TAB3: variants seen among roughly 807,000 people sequenced by gnomAD.
TAB3 encodes TGF-beta-activated kinase 1 and MAP3K7-binding protein 3.
A neutral mutation model predicts 48.1 loss-of-function variants in TAB3; 18 were observed. The observed-to-expected ratio is 0.37, with a 90% CI of 0.26 to 0.55. The LOEUF is 0.55. Among genes scored for constraint, TAB3 ranks in the 20% least tolerant of loss-of-function variants. The pLI is 0.78. For missense variants in TAB3, 414 were observed against 549.8 expected (o/e 0.75, Z 2.47); for synonymous variants, 185 against 190.2 (o/e 0.97, Z 0.22).
At chrX:30,836,083 T>G (rs1053968735) in intron 9 of TAB3, 1 of 112,230 alleles carries the variant, frequency 8.9e-6, no homozygotes, top group East Asian at 2.8e-4. Context: ...AACTTGATTT[T>G]ATGGAGAAAA....
At chrX:30,868,312 T>TATATATATATATATATATA (rs1410557148) in intron 2 of TAB3, among the ~76,000 whole-genome samples, 34 of 2,412 alleles carry the variant, frequency 0.014, 10 homozygotes, top group South Asian at 0.083. Context: ...TATATATATA[T>TATATATATATATATATATA]AGCTTATATA....
chrX:30,867,325 C>T (rs1376574516), intron 3 of TAB3, 107 bp from the exon 4 acceptor site: 1 of 111,977 alleles, frequency 8.9e-6, no homozygotes, highest in East Asian at 2.8e-4. Context: ...AACAAACGTA[C>T]CATGCTAATG....
rs1025957595 is a variant in TAB3, at chrX:30,827,982, G to T, written c.*3445C>A. 8.9e-6 allele frequency: 1 copy of T among 112,222 alleles called. No homozygotes were observed. The highest frequency in any genetic ancestry group is 4.6e-3 in the Middle Eastern group (1 of 216). 9.2% of individuals were successfully genotyped at this position (112,222 alleles called of 1,213,427 possible). A position where few individuals can be genotyped will look rare whatever the true frequency, so the allele number is the denominator to read the frequency against. On this transcript the variant is annotated 3_prime_UTR_variant, in exon 11 of 11. Coordinates refer to ENST00000288422, the MANE Select transcript of TAB3 (RefSeq NM_152787.5). ...TCTGATTTTTAAAAGTAACATTTCA[G>T]TTGTCATTTTTCTTTCTCTACAGAT...
rs2147318373 is a variant in TAB3 at position 30,830,231 on chromosome X, A to G, written c.*1196T>C. On this transcript the variant is annotated 3_prime_UTR_variant, in exon 11 of 11. Coordinates refer to ENST00000288422, the MANE Select transcript of TAB3 (RefSeq NM_152787.5). ...TTTAAAAGTTGTTTCAAAGTCCTCT[A>G]TATTCACCTTTCTCTTAATAATTTT... 8.9e-6 allele frequency: 1 copy of G among 112,286 alleles called. No homozygotes were observed. The highest frequency in any genetic ancestry group is 2.8e-4 in the East Asian group (1 of 3,597). The allele number at this position is 112,286 out of a possible 1,213,427, so 9.3% of individuals were successfully genotyped here.
At chrX:30,842,537 A>G (rs1244172938) in intron 9 of TAB3, among the ~76,000 whole-genome samples, 6 of 112,305 alleles carry the variant, frequency 5.3e-5, no homozygotes, top group Middle Eastern at 9.3e-3. Context: ...AAGAGTTACT[A>G]ATTTCAGTAC....
intron 5 of TAB3, among the ~76,000 whole-genome samples, chrX:30,856,448 C>G (rs1939079771): frequency 8.9e-6 from 1 of 111,850 alleles, no homozygotes; most frequent in South Asian, 3.7e-4. Context: ...AAAAGGTTCC[C>G]TCTTTGTAAA....
At chrX:30,833,713 C>G (rs182603079) in intron 10 of TAB3, among the ~76,000 whole-genome samples, 171 of 107,992 alleles carry the variant, frequency 1.6e-3, no homozygotes, top group Non-Finnish European at 2.5e-3. Context: ...CACCTGTAGT[C>G]CCAGCTACAC....
intron 2 of TAB3, among the ~76,000 whole-genome samples, chrX:30,868,393 ATATATATAT>A (rs1299190290): frequency 2.0e-5 from 1 of 48,844 alleles, no homozygotes; most frequent in Non-Finnish European, 3.5e-5. Flanking sequence ...TAGCTTATAT[ATATATATAT>A]AGCTTATATA....
intron 9 of TAB3, among the ~76,000 whole-genome samples, chrX:30,838,162 A>G (rs1163062910): frequency 3.6e-5 from 4 of 111,255 alleles, no homozygotes; most frequent in Non-Finnish European, 5.7e-5. Flanking sequence ...TAGTGCTGCA[A>G]TCACGGCTCA....
chrX:30,831,899 T>C (rs1476550350), intron 10 of TAB3, among the ~76,000 whole-genome samples: 6 of 112,227 alleles, frequency 5.3e-5, no homozygotes, highest in Non-Finnish European at 9.4e-5. Context: ...AAATGTTTTA[T>C]AGCATGTTAA....
At chrX:30,885,468 T>C in intron 1 of TAB3, among the ~76,000 whole-genome samples, 1 of 111,791 alleles carries the variant, frequency 8.9e-6, no homozygotes, top group African/African-American at 3.2e-5. Flanking sequence ...TTCCCTCCCA[T>C]AACTGGAAGT....
Position 30,828,017 on chromosome X carries a change from GAC to G in TAB3, c.*3408_*3409del, listed in dbSNP as rs914184437. ...TTCTTTCTCTACAGATAGATATACA[GAC>G]ACACACGGTAACATGGACTCATTCA... On this transcript the variant is annotated 3_prime_UTR_variant, in exon 11 of 11. Transcript: ENST00000288422. The G allele has an allele frequency of 8.9e-6, 1 of 111,840 alleles. No homozygotes were observed. The highest frequency in any genetic ancestry group is 1.9e-5 in the Non-Finnish European group (1 of 53,095). 9.2% of individuals were successfully genotyped at this position (111,840 alleles called of 1,213,427 possible).
intron 1 of TAB3, among the ~76,000 whole-genome samples, chrX:30,874,388 C>A (rs1939761545): frequency 8.9e-6 from 1 of 112,017 alleles, no homozygotes; most frequent in Non-Finnish European, 1.9e-5. Flanking sequence ...GAAATTATGT[C>A]TTGGCTATGC....
chrX:30,876,692 T>C (rs1279036389), intron 1 of TAB3, among the ~76,000 whole-genome samples: 1 of 110,736 alleles, frequency 9.0e-6, no homozygotes, highest in African/African-American at 3.3e-5. Context: ...TTTTTTTTTG[T>C]AGAGATGGGG....
chrX:30,871,283 G>T (rs1268756161), intron 2 of TAB3, among the ~76,000 whole-genome samples: 1 of 112,071 alleles, frequency 8.9e-6, no homozygotes, highest in African/African-American at 3.2e-5. Flanking sequence ...CAAAAACTAG[G>T]AAGTTGGAAG....
intron 9 of TAB3, among the ~76,000 whole-genome samples, chrX:30,842,028 C>T (rs896881962): frequency 4.5e-5 from 5 of 112,276 alleles, no homozygotes; most frequent in African/African-American, 1.6e-4. Flanking sequence ...AGGCTAGTCT[C>T]GAACTCCTGG....
chrX:30,882,915 T>G (rs1283210595), intron 1 of TAB3, among the ~76,000 whole-genome samples: 2 of 112,000 alleles, frequency 1.8e-5, no homozygotes, highest in African/African-American at 6.5e-5. Context: ...AACTTCATTG[T>G]AAGTCTAAAA....
Position 30,830,990 on chromosome X carries a change from G to T in TAB3, c.*437C>A, listed in dbSNP as rs1252554051. ...GAAGCAATGGGAAGAAGCACGGGGA[G>T]CCTTGGTTTTCCAGAGAGCGGTGAC... On this transcript the variant is annotated 3_prime_UTR_variant, in exon 11 of 11. Transcript: ENST00000288422. 1 of 103,776 alleles carries T rather than the reference G, an allele frequency of 9.6e-6. No individual in the cohort carries two copies. The highest frequency in any genetic ancestry group is 2.0e-5 in the Non-Finnish European group (1 of 51,238). 8.6% of individuals were successfully genotyped at this position (103,776 alleles called of 1,213,427 possible).
In TAB3 at chrX:30,831,325, C is replaced by T. The variant is rs1381146045; in HGVS notation, c.*102G>A. On this transcript the variant is annotated 3_prime_UTR_variant, in exon 11 of 11. Coordinates refer to ENST00000288422, the MANE Select transcript of TAB3 (RefSeq NM_152787.5). ...CCATTCCTCCTCCCCGCTGTGCAAT[C>T]GAAAATGAAAAGGCTGGGTGGATGA... The T allele has an allele frequency of 2.0e-6, 2 of 977,352 alleles. No homozygotes were observed. The highest frequency in any genetic ancestry group is 6.5e-5 in the South Asian group (2 of 30,809). The allele number at this position is 977,352 out of a possible 1,213,427, so 80.5% of individuals were successfully genotyped here. A position where few individuals can be genotyped will look rare whatever the true frequency, so the allele number is the denominator to read the frequency against.
Sources: gnomAD v4.1 joint callset for allele counts (sites outside exome capture counted in the v4.1 genomes callset) on GRCh38, gnomAD v4.1.1 for gene constraint, MANE v1.5 for transcripts, NCBI Gene and HGNC (gene_info 2026-07-23, HGNC 2026-07-21) for gene names.